Variants in ITPR3 observed in about 807,000 individuals in gnomAD.
ITPR3 encodes the protein inositol 1,4,5-trisphosphate-gated calcium channel ITPR3.
In ITPR3, 173 loss-of-function variants were observed where a neutral mutation model predicts 293.2. The observed-to-expected ratio is 0.59, with a 90% CI of 0.52 to 0.67. The LOEUF (loss-of-function observed/expected upper bound fraction) is 0.67, where lower values mean the gene tolerates loss of function less well. Among genes scored for constraint, ITPR3 ranks in the 30% least tolerant of loss-of-function variants. The pLI is 0.00. For missense variants in ITPR3, 2,796 were observed against 3,592.1 expected, an observed-to-expected ratio of 0.78 and a Z score of 5.66; for synonymous variants, 1,295 against 1,444.4, an observed-to-expected ratio of 0.90 and a Z score of 2.35.
At chr6:33,631,103 G>A (rs1162178076) in intron 1 of ITPR3, among the ~76,000 whole-genome samples, 1 of 152,254 alleles carries the variant, frequency 6.6e-6, no homozygotes, top group Non-Finnish European at 1.5e-5. Flanking sequence ...AGTGCCTGCT[G>A]TTGGAGTGGC....
At chr6:33,631,313 G>A (rs1159438541) in intron 1 of ITPR3, among the ~76,000 whole-genome samples, 1 of 152,224 alleles carries the variant, frequency 6.6e-6, no homozygotes, top group Non-Finnish European at 1.5e-5. Flanking sequence ...GGCCCTGAAC[G>A]GCTGGGGTCA....
chr6:33,674,291 G>T, intron 24 of ITPR3, 26 bp downstream of exon 24: 1 of 1,612,040 alleles, frequency 6.2e-7, no homozygotes. Context: ...AGCTGCAGGG[G>T]TGTGTGGGGT....
chr6:33,649,823 G>A (rs764932040), intron 2 of ITPR3, among the ~76,000 whole-genome samples: 10 of 152,088 alleles, frequency 6.6e-5, no homozygotes, highest in Non-Finnish European at 1.2e-4. Flanking sequence ...GACCTCACCC[G>A]AGACCTGCCA....
At position 33,667,262 on chromosome 6, in the gene ITPR3, A is replaced by T; in HGVS notation, c.1685A>T (p.His562Leu). Residue 562 changes from histidine (H) to leucine (L), a missense_variant, in exon 15 of 58, where the codon CAT becomes CTT. Physicochemically the swap from His to Leu is moderately conservative, Grantham distance 99. Coordinates refer to ENST00000605930, the MANE Select transcript of ITPR3 (RefSeq NM_002224.4). This position sits in a 1 kb window ranked among gnomAD's most constrained non-coding sequence, Gnocchi z 4.4. ...MFRLCYRVLRHSQEDYRKNQE... is the reference protein window; with the variant it reads ...MFRLCYRVLRLSQEDYRKNQE... Reference sequence around the variant, plus strand: ...CGCCTGTGCTACCGCGTGTTGCGGCATTCCCAGGAGGACTACCGCAAGAAC... The same window carrying T: ...CGCCTGTGCTACCGCGTGTTGCGGCTTTCCCAGGAGGACTACCGCAAGAAC... 3 of 1,613,036 alleles carry T rather than the reference A, an allele frequency of 1.9e-6. 1 individual carries two copies. The South Asian group carries it at 3.3e-5, about 18-fold the overall frequency.
chr6:33,657,720 G>A (rs1764343969), intron 3 of ITPR3, among the ~76,000 whole-genome samples: 1 of 151,894 alleles, frequency 6.6e-6, no homozygotes, highest in African/African-American at 2.4e-5. Context: ...TGTGCTGTGA[G>A]ACCTCAGGCT....
chr6:33,665,863 G>T lies in ITPR3; in HGVS notation c.1438G>T (p.Val480Leu). Residue 480 changes from valine to leucine, a missense_variant, in exon 14 of 58, where the codon GTG becomes TTG. Physicochemically the swap from Val to Leu is conservative, Grantham distance 32. Coordinates refer to ENST00000605930, the MANE Select transcript of ITPR3 (RefSeq NM_002224.4). ...RFVIQLLEDL[V>L]FFVSDVPNNG... ...TGTCATCCAGCTGCTGGAAGACCTG[G>T]TGTTCTTTGTCAGCGATGTCCCCAA... 23 of 1,614,176 alleles carry T rather than the reference G, an allele frequency of 1.4e-5. No individual in the cohort carries two copies. Among genetic ancestry groups the T allele is most frequent in the Non-Finnish European group, 1.9e-5 (23 of 1,180,020 alleles).
Position 33,678,784 on chromosome 6 carries a change from T to C in ITPR3, c.3917T>C (p.Val1306Ala). The C allele has an allele frequency of 6.2e-7, 1 of 1,613,232 alleles. No homozygotes were observed. The highest frequency in any genetic ancestry group is 1.3e-5 in the African/African-American group (1 of 74,900). The change falls in exon 30 of 58, where the codon GTC (valine) becomes GCC (alanine). Residue 1306 changes from valine (V) to alanine (A), a missense_variant. Physicochemically the swap from Val to Ala is moderately conservative, Grantham distance 64 (BLOSUM62 0). Transcript: ENST00000605930. The stretch of plus-strand genomic sequence containing the variant: ...CAGTACCTGGACTTCCTGCACACCG[T>C]CATTAAGGCCGAGGGCAAGTACGTC... ...HVQYLDFLHT[V>A]IKAEGKYVKK...
chr6:33,667,208 A>G lies in ITPR3; in HGVS notation c.1631A>G (p.Gln544Arg), dbSNP rs759207174. The G allele has an allele frequency of 2.5e-6, 4 of 1,613,994 alleles. No homozygotes were observed. Among genetic ancestry groups the G allele is most frequent in the Non-Finnish European group, 3.4e-6 (4 of 1,180,010 alleles). ...GTGCGGCTGGAGGAGCTGTCAGACC[A>G]GAAGAACGCCCCCTACCAGCACATG... ...PLVRLEELSD[Q>R]KNAPYQHMFR... The change falls in exon 15 of 58, where the codon CAG becomes CGG. Residue 544 changes from glutamine to arginine, a missense_variant. By Grantham distance (43) the Gln-to-Arg change is conservative (BLOSUM62 1). Coordinates refer to ENST00000605930, the MANE Select transcript of ITPR3 (RefSeq NM_002224.4). The surrounding 1 kb of genome is among the most constrained non-coding windows in gnomAD (Gnocchi z 4.4).
chr6:33,686,580 T>A, intron 43 of ITPR3, 61 bp downstream of exon 43: 1 of 1,262,750 alleles, frequency 7.9e-7, no homozygotes, highest in Non-Finnish European at 1.2e-6. Context: ...TGCATGTATG[T>A]GTGACTTGTG....
In ITPR3 at chr6:33,687,338, C is replaced by T; in HGVS notation, c.6177+11C>T. 6.3e-7 allele frequency: 1 copy of T among 1,592,620 alleles called. No homozygotes were observed. The highest frequency in any genetic ancestry group is 1.3e-5 in the African/African-American group (1 of 74,576). On this transcript the variant is annotated intron_variant, in intron 45 of 57. Transcript: ENST00000605930. The surrounding 1 kb of genome is among the most constrained non-coding windows in gnomAD (Gnocchi z 5.3). The stretch of plus-strand genomic sequence containing the variant: ...ATCCTGGCGCTGCAGGTACCAGTTC[C>T]ACCCGTGGCAACGGCCATCACCCCC...
In ITPR3 at chr6:33,684,728, A is replaced by C. The variant is rs781774252; in HGVS notation, c.5137+40A>C. Reference sequence around the variant, plus strand: ...CCCCTGCCCCCGGGCCCTCCCTTCCACTCTCCTGTCACACCAGCTCTCCCT... The same window carrying C: ...CCCCTGCCCCCGGGCCCTCCCTTCCCCTCTCCTGTCACACCAGCTCTCCCT... On this transcript the variant is annotated intron_variant, in intron 38 of 57. Coordinates refer to ENST00000605930, the MANE Select transcript of ITPR3 (RefSeq NM_002224.4). The surrounding 1 kb of genome is among the most constrained non-coding windows in gnomAD (Gnocchi z 4.2). 7.5e-6 allele frequency: 12 copies of C among 1,607,980 alleles called. No homozygotes were observed. The highest frequency in any genetic ancestry group is 1.0e-5 in the Non-Finnish European group (12 of 1,176,810).
chr6:33,675,657 C>A lies in ITPR3; in HGVS notation c.3117-34C>A. Reference sequence around the variant, plus strand: ...CACGGACAGCAGGGAGTGTGCCAGTCTCACCCATGCGCCCTGCACCCTTGT... The same window carrying A: ...CACGGACAGCAGGGAGTGTGCCAGTATCACCCATGCGCCCTGCACCCTTGT... On this transcript the variant is annotated intron_variant, in intron 24 of 57. Coordinates refer to ENST00000605930, the MANE Select transcript of ITPR3 (RefSeq NM_002224.4). The surrounding 1 kb of genome is among the most constrained non-coding windows in gnomAD (Gnocchi z 5.0). 1.3e-6 allele frequency: 2 copies of A among 1,556,206 alleles called. No individual in the cohort carries two copies. The highest frequency in any genetic ancestry group is 1.2e-5 in the South Asian group (1 of 81,776).
In ITPR3 at chr6:33,668,577, A is replaced by G; in HGVS notation, c.1949A>G (p.Glu650Gly). Residue 650 changes from glutamate (E) to glycine (G), a missense_variant, in exon 17 of 58, where the codon GAG (glutamate) becomes GGG (glycine). Transcript: ENST00000605930. ...SNHIAIPVTQ[E>G]LICKCVLDPK... The stretch of plus-strand genomic sequence containing the variant: ...CACATCGCCATCCCCGTCACCCAAG[A>G]GCTCATCTGCAAGTGTGTGCTGGAC... The G allele has an allele frequency of 6.2e-7, 1 of 1,614,148 alleles. No individual in the cohort carries two copies. Among genetic ancestry groups the G allele is most frequent in the Non-Finnish European group, 8.5e-7 (1 of 1,180,010 alleles).
intron 46 of ITPR3, 35 bp from the exon 47 acceptor site, chr6:33,688,022 C>A: frequency 6.5e-7 from 1 of 1,550,122 alleles, no homozygotes; most frequent in Non-Finnish European, 8.9e-7. Context: ...GATGTGGAGG[C>A]TGGGGCCTGA....
Position 33,687,914 on chromosome 6 carries a change from G to T in ITPR3, c.6265-143G>T, listed in dbSNP as rs533583489. 4 of 667,614 alleles carry T rather than the reference G, an allele frequency of 6.0e-6. No homozygotes were observed. The East Asian group carries it at 1.1e-4, about 18-fold the overall frequency. The allele number at this position is 667,614 out of a possible 1,614,324, so 41.4% of individuals were successfully genotyped here. On this transcript the variant is annotated intron_variant, in intron 46 of 57. Transcript: ENST00000605930. The surrounding 1 kb of genome is among the most constrained non-coding windows in gnomAD (Gnocchi z 5.3). ...GTTCTCAAGGCTCAGTCCTAGTTGG[G>T]CTGGGCTTGGCCTGCTCTGGCTTGG...
Position 33,664,334 on chromosome 6 carries a change from C to T in ITPR3, c.1148+454C>T, listed in dbSNP as rs1764554966. On this transcript the variant is annotated intron_variant, in intron 11 of 57. Coordinates refer to ENST00000605930, the MANE Select transcript of ITPR3 (RefSeq NM_002224.4). This position sits in a 1 kb window ranked among gnomAD's most constrained non-coding sequence, Gnocchi z 4.4. Reference sequence around the variant, plus strand: ...GCCTCCATCATTTTAGTGGGAACATCAAGTTTCCCTGTCAACAGGGCTAAT... The same window carrying T: ...GCCTCCATCATTTTAGTGGGAACATTAAGTTTCCCTGTCAACAGGGCTAAT... 6.6e-6 allele frequency among the ~76,000 whole-genome samples: 1 copy of T among 152,194 alleles called. No individual in the cohort carries two copies. The highest frequency in any genetic ancestry group is 1.5e-5 in the Non-Finnish European group (1 of 68,032).
rs980498002 is a variant in ITPR3 at position 33,666,802 on chromosome 6, G to C, written c.1552-327G>C. The stretch of plus-strand genomic sequence containing the variant: ...TCATCTCTTAAGCTCTGGCCACAGC[G>C]GTCCGGCCTGCCTTTTCTCTTAGCC... On this transcript the variant is annotated intron_variant, in intron 14 of 57. Transcript: ENST00000605930. The surrounding 1 kb of genome is among the most constrained non-coding windows in gnomAD (Gnocchi z 5.1). 1.3e-5 allele frequency among the ~76,000 whole-genome samples: 2 copies of C among 152,136 alleles called. No individual in the cohort carries two copies. Among genetic ancestry groups the C allele is most frequent in the African/African-American group, 4.8e-5 (2 of 41,426 alleles).
intron 13 of ITPR3, 48 bp from the exon 14 acceptor site, chr6:33,665,787 T>C: frequency 6.2e-7 from 1 of 1,606,330 alleles, no homozygotes; most frequent in Non-Finnish European, 8.5e-7. Context: ...GAGGGACACC[T>C]GCTGGGTGGG....
chr6:33,661,333 T>C (rs1764458149), intron 7 of ITPR3, among the ~76,000 whole-genome samples: 2 of 152,164 alleles, frequency 1.3e-5, no homozygotes, highest in South Asian at 4.1e-4. Context: ...GGCGGCAGGC[T>C]CAGCGGGAGG....
Sources: gnomAD v4.1 joint callset for allele counts (sites outside exome capture counted in the v4.1 genomes callset) on GRCh38, gnomAD v4.1.1 for gene constraint, Gnocchi (gnomAD v3.1) non-coding constraint, MANE v1.5 for transcripts, NCBI Gene and HGNC (gene_info 2026-07-23, HGNC 2026-07-21) for gene names.